Variants in ENOX1 observed in about 807,000 individuals in gnomAD.
ENOX1 encodes the protein ecto-NOX disulfide-thiol exchanger 1.
In ENOX1, 42 loss-of-function variants were observed where a neutral mutation model predicts 82.5. The ratio of observed to expected loss-of-function variants is 0.51; its 90% CI spans 0.40 to 0.66. The LOEUF is 0.66. Ranked by LOEUF, ENOX1 falls within the 30% of genes least tolerant of loss-of-function variation. The pLI is 0.00. For synonymous variants in ENOX1, 271 were observed against 282.2 expected, an observed-to-expected ratio of 0.96 and a Z score of 0.40; for missense variants, 608 against 811.6, an observed-to-expected ratio of 0.75 and a Z score of 3.05.
chr13:43,293,574 A>G (rs1330486621), intron 12 of ENOX1, among the ~76,000 whole-genome samples: 1 of 152,180 alleles, frequency 6.6e-6, no homozygotes, highest in Non-Finnish European at 1.5e-5. Flanking sequence ...CTTGATTTTG[A>G]CATATAACAT....
At chr13:43,621,042 G>C (rs1455175029) in intron 2 of ENOX1, among the ~76,000 whole-genome samples, 1 of 152,064 alleles carries the variant, frequency 6.6e-6, no homozygotes, top group African/African-American at 2.4e-5. Context: ...AGTTTGTTTT[G>C]TCTTATGTAA....
intron 2 of ENOX1, among the ~76,000 whole-genome samples, chr13:43,582,867 T>A (rs1033189873): frequency 6.6e-6 from 1 of 152,210 alleles, no homozygotes; most frequent in Non-Finnish European, 1.5e-5. Flanking sequence ...ATAAAGGAGA[T>A]AATTTTCTAG....
chr13:43,415,245 T>TG (rs1412262728), intron 3 of ENOX1, among the ~76,000 whole-genome samples: 2 of 145,548 alleles, frequency 1.4e-5, no homozygotes, highest in Admixed American at 6.9e-5. Flanking sequence ...TTTTTTTTTT[T>TG]TTTTTTTTTT....
intron 3 of ENOX1, among the ~76,000 whole-genome samples, chr13:43,462,649 C>A (rs1409689912): frequency 6.6e-6 from 1 of 152,192 alleles, no homozygotes; most frequent in African/African-American, 2.4e-5. Flanking sequence ...TATGTGCAAA[C>A]AAATTCTTCG....
intron 2 of ENOX1, among the ~76,000 whole-genome samples, chr13:43,632,135 C>T (rs2083242240): frequency 6.6e-6 from 1 of 152,054 alleles, no homozygotes; most frequent in Admixed American, 6.5e-5. Flanking sequence ...TTTGAGAAAG[C>T]CCTTTAAGTA....
At chr13:43,215,171 C>T (rs1037644849) in intron 16 of ENOX1, among the ~76,000 whole-genome samples, 5 of 152,106 alleles carry the variant, frequency 3.3e-5, no homozygotes, top group African/African-American at 1.2e-4. Flanking sequence ...TATTAGGATT[C>T]ATTTAAAAGA....
intron 2 of ENOX1, among the ~76,000 whole-genome samples, chr13:43,633,421 T>C (rs1450997533): frequency 6.6e-6 from 1 of 152,148 alleles, no homozygotes; most frequent in African/African-American, 2.4e-5. Context: ...TTCTTACACA[T>C]GTACACAAAG....
intron 11 of ENOX1, among the ~76,000 whole-genome samples, chr13:43,314,934 C>T (rs2047395761): frequency 6.6e-6 from 1 of 152,128 alleles, no homozygotes; most frequent in South Asian, 2.1e-4. Context: ...AGCCTATGAT[C>T]CAGGAAGAAT....
intron 1 of ENOX1, among the ~76,000 whole-genome samples, chr13:43,761,703 G>C (rs967631480): frequency 2.1e-4 from 32 of 152,018 alleles, no homozygotes; most frequent in African/African-American, 7.2e-4. Context: ...CAGGATTCTT[G>C]GAATATAACA....
chr13:43,624,604 C>A (rs993633078), intron 2 of ENOX1, among the ~76,000 whole-genome samples: 1 of 151,874 alleles, frequency 6.6e-6, no homozygotes, highest in Non-Finnish European at 1.5e-5. Flanking sequence ...CATTTTTTTG[C>A]CCATGGATAT....
intron 2 of ENOX1, among the ~76,000 whole-genome samples, chr13:43,622,951 G>A (rs1364958744): frequency 6.6e-6 from 1 of 152,118 alleles, no homozygotes; most frequent in Admixed American, 6.5e-5. Context: ...TTCAGGGATG[G>A]GGGTGAGACT....
intron 14 of ENOX1, among the ~76,000 whole-genome samples, chr13:43,247,474 A>T (rs1326470320): frequency 6.6e-6 from 1 of 152,044 alleles, no homozygotes; most frequent in Non-Finnish European, 1.5e-5. Flanking sequence ...AGGTCTGCAC[A>T]ATGGAAGCGT....
At chr13:43,410,764 G>A (rs2054082151) in intron 5 of ENOX1, among the ~76,000 whole-genome samples, 1 of 152,114 alleles carries the variant, frequency 6.6e-6, no homozygotes, top group South Asian at 2.1e-4. Context: ...AGGTATGTGG[G>A]AGTAGAACTT....
At chr13:43,351,398 A>ATTTT (rs1025326984) in intron 8 of ENOX1, among the ~76,000 whole-genome samples, 2 of 124,040 alleles carry the variant, frequency 1.6e-5, no homozygotes, top group African/African-American at 5.8e-5. Flanking sequence ...ATTTCTTTTT[A>ATTTT]TTTTATTTAT....
chr13:43,291,816 C>T (rs912946818), intron 12 of ENOX1, among the ~76,000 whole-genome samples: 2 of 152,132 alleles, frequency 1.3e-5, no homozygotes, highest in African/African-American at 4.8e-5. Context: ...AATAAACTTA[C>T]AAAAACAAGG....
At chr13:43,467,669 T>C (rs2057796165) in intron 3 of ENOX1, among the ~76,000 whole-genome samples, 1 of 152,196 alleles carries the variant, frequency 6.6e-6, no homozygotes, top group African/African-American at 2.4e-5. Context: ...TGATAAAGTC[T>C]GATTTATCTA....
At chr13:43,672,795 C>A (rs545618534) in intron 1 of ENOX1, among the ~76,000 whole-genome samples, 1 of 152,048 alleles carries the variant, frequency 6.6e-6, no homozygotes, top group Non-Finnish European at 1.5e-5. Flanking sequence ...TAAAAACCAC[C>A]GCTCTATGAT....
At chr13:43,511,945 T>C (rs2077384340) in intron 2 of ENOX1, among the ~76,000 whole-genome samples, 1 of 152,140 alleles carries the variant, frequency 6.6e-6, no homozygotes, top group Non-Finnish European at 1.5e-5. Flanking sequence ...ATATTATGTA[T>C]ATACAGCCTA....
intron 1 of ENOX1, among the ~76,000 whole-genome samples, chr13:43,730,386 A>G (rs1240129375): frequency 1.3e-5 from 2 of 152,194 alleles, no homozygotes; most frequent in Non-Finnish European, 2.9e-5. Context: ...CCAGATAGCC[A>G]AACAAGGACT....
Sources: gnomAD v4.1 joint callset for allele counts (sites outside exome capture counted in the v4.1 genomes callset) on GRCh38, gnomAD v4.1.1 for gene constraint, MANE v1.5 for transcripts, NCBI Gene and HGNC (gene_info 2026-07-23, HGNC 2026-07-21) for gene names.